Variants in GARIN2 observed in about 807,000 individuals in gnomAD.
The protein encoded by GARIN2 is Golgi-associated RAB2 interactor protein 2.
the GARIN2 span, chr14:67,223,971 C>T: frequency 1.8e-5 from 18 of 984,528 alleles, no homozygotes; most frequent in East Asian, 5.7e-4. Context: ...ATATTATAGG[C>T]GGAAATCAGA....
chr14:67,223,069 G>T, the GARIN2 span, among the ~76,000 whole-genome samples: 1 of 134,460 alleles, frequency 7.4e-6, no homozygotes, highest in Non-Finnish European at 1.5e-5. Flanking sequence ...GCACAATCTT[G>T]GCTCACTGCA....
the GARIN2 span, among the ~76,000 whole-genome samples, chr14:67,205,374 C>G: frequency 6.6e-6 from 1 of 152,166 alleles, no homozygotes; most frequent in East Asian, 1.9e-4. Flanking sequence ...GACTCTCAAC[C>G]TGCGGCTCAT....
the GARIN2 span, among the ~76,000 whole-genome samples, chr14:67,217,036 G>A: frequency 6.6e-6 from 1 of 152,004 alleles, no homozygotes; most frequent in African/African-American, 2.4e-5. Flanking sequence ...TATTGTATTG[G>A]GATCTCTATT....
chr14:67,206,461 A>C, the GARIN2 span, among the ~76,000 whole-genome samples: 1 of 152,064 alleles, frequency 6.6e-6, no homozygotes, highest in Admixed American at 6.6e-5. Context: ...GTGCCATTGC[A>C]CTCCAGCCTG....
chr14:67,222,105 C>T, the GARIN2 span: 5 of 318,492 alleles, frequency 1.6e-5, no homozygotes, highest in Admixed American at 2.4e-4. Flanking sequence ...AAGCATAAAC[C>T]ACGCCAAGCC....
At chr14:67,196,223 C>CTTT in the GARIN2 span, among the ~76,000 whole-genome samples, 35 of 143,140 alleles carry the variant, frequency 2.4e-4, 1 homozygote, top group East Asian at 1.6e-3. Context: ...TTCTTTCTTT[C>CTTT]TTTTTTTTTT....
chr14:67,203,262 T>A, the GARIN2 span: 1 of 1,602,476 alleles, frequency 6.2e-7, no homozygotes, highest in Admixed American at 1.7e-5. Flanking sequence ...TCTCCTGACA[T>A]CTCCTCCTGC....
the GARIN2 span, among the ~76,000 whole-genome samples, chr14:67,194,810 A>G: frequency 6.6e-6 from 1 of 152,172 alleles, no homozygotes; most frequent in Non-Finnish European, 1.5e-5. Context: ...GGCACCTGTC[A>G]CCATGCCAGG....
the GARIN2 span, chr14:67,198,149 A>T: frequency 6.2e-7 from 1 of 1,605,916 alleles, no homozygotes; most frequent in Admixed American, 1.7e-5. Context: ...TTTTATGTTT[A>T]TGTGCAAGCG....
chr14:67,228,365 A>T, the GARIN2 span: 1 of 520,988 alleles, frequency 1.9e-6, no homozygotes, highest in Non-Finnish European at 2.5e-6. Context: ...CAGTAATAAC[A>T]CTAAAAATAT....
the GARIN2 span, among the ~76,000 whole-genome samples, chr14:67,213,135 G>A: frequency 1.3e-5 from 2 of 149,288 alleles, no homozygotes; most frequent in East Asian, 3.9e-4. Flanking sequence ...TGTTCTGCAT[G>A]TAGAATTTTT....
the GARIN2 span, among the ~76,000 whole-genome samples, chr14:67,191,396 G>A: frequency 0.013 from 1,955 of 152,290 alleles, 47 homozygotes; most frequent in African/African-American, 0.045. Flanking sequence ...ATGGTCAACA[G>A]GAAACATTTG....
chr14:67,216,360 G>A, the GARIN2 span, among the ~76,000 whole-genome samples: 4 of 151,780 alleles, frequency 2.6e-5, no homozygotes, highest in African/African-American at 7.2e-5. Context: ...AGTTAATCAC[G>A]TTTTGTTAAT....
the GARIN2 span, among the ~76,000 whole-genome samples, chr14:67,225,785 ACC>A: frequency 6.6e-6 from 1 of 152,194 alleles, no homozygotes; most frequent in Non-Finnish European, 1.5e-5. Context: ...TGTTCGAAAC[ACC>A]AGCTCTGCAG....
the GARIN2 span, among the ~76,000 whole-genome samples, chr14:67,213,944 T>C: frequency 1.3e-5 from 2 of 152,264 alleles, no homozygotes; most frequent in Non-Finnish European, 2.9e-5. Context: ...CATGTGTTTT[T>C]TGGCTGCATA....
the GARIN2 span, among the ~76,000 whole-genome samples, chr14:67,209,127 A>G: frequency 6.6e-6 from 1 of 152,202 alleles, no homozygotes; most frequent in Non-Finnish European, 1.5e-5. Context: ...TCAATGGCAG[A>G]GTTTACGTGA....
At chr14:67,200,200 C>T in the GARIN2 span, 2 of 1,127,796 alleles carry the variant, frequency 1.8e-6, no homozygotes, top group Admixed American at 5.7e-5. Flanking sequence ...TCCACTGATG[C>T]CCCCCATGGA....
At chr14:67,210,630 C>T in the GARIN2 span, among the ~76,000 whole-genome samples, 17 of 150,936 alleles carry the variant, frequency 1.1e-4, no homozygotes, top group Non-Finnish European at 2.2e-4. Context: ...ATTAAACTTT[C>T]GTTATATAAT....
At chr14:67,204,441 CAAAA>C in the GARIN2 span, 1 of 1,397,602 alleles carries the variant, frequency 7.2e-7, no homozygotes, top group South Asian at 1.9e-5. Context: ...GAACTTGTCT[CAAAA>C]CAAACAAACA....
Sources: allele counts gnomAD v4.1 joint callset (sites outside exome capture counted in the v4.1 genomes callset), GRCh38; gene constraint gnomAD v4.1.1; transcripts MANE v1.5; gene names NCBI Gene and HGNC (gene_info 2026-07-23, HGNC 2026-07-21).